The following FBXW7 variants were observed in gnomAD, a reference collection of about 807,000 sequenced individuals.
FBXW7 encodes the protein F-box and WD repeat domain containing 7.
In FBXW7, 11 loss-of-function variants were observed where a neutral mutation model predicts 86.3. The ratio of observed to expected loss-of-function variants is 0.13; its 90% CI spans 0.08 to 0.21. The LOEUF (loss-of-function observed/expected upper bound fraction) is 0.21, where lower values mean the gene tolerates loss of function less well. Among genes scored for constraint, FBXW7 ranks in the 10% least tolerant of loss-of-function variants. The probability of loss-of-function intolerance (pLI) is 1.00; values close to 1 mark genes in which losing one functional copy is unlikely to be tolerated. For missense variants in FBXW7, 488 were observed against 847.4 expected (o/e 0.58, Z 5.27); for synonymous variants, 313 against 297.9 (o/e 1.05, Z -0.52).
At chr4:152,461,359 G>A (rs1742926037) in intron 2 of FBXW7, among the ~76,000 whole-genome samples, 2 of 151,992 alleles carry the variant, frequency 1.3e-5, no homozygotes, top group African/African-American at 4.8e-5. Context: ...TCTCTGTTTT[G>A]ATCTCCTATC....
intron 6 of FBXW7, among the ~76,000 whole-genome samples, chr4:152,346,523 T>G (rs573006336): frequency 1.8e-4 from 28 of 152,322 alleles, no homozygotes; most frequent in Middle Eastern, 3.4e-3. Context: ...ATTTTTAAAT[T>G]GAAATAAACA....
intron 2 of FBXW7, among the ~76,000 whole-genome samples, chr4:152,506,545 A>G (rs1314086449): frequency 6.6e-6 from 1 of 152,252 alleles, no homozygotes; most frequent in Non-Finnish European, 1.5e-5. Context: ...GATATCACTA[A>G]GCAATAGGAA....
chr4:152,347,207 A>C, intron 5 of FBXW7, 136 bp from the exon 6 acceptor site: 2 of 759,284 alleles, frequency 2.6e-6, no homozygotes, highest in South Asian at 4.3e-5. Flanking sequence ...TCAATTAATT[A>C]CCTTTCTTCC....
Position 152,332,610 on chromosome 4 carries a change from T to C in FBXW7, c.971A>G (p.Lys324Arg). Reference sequence around the variant, plus strand: ...TTGAACCTTACCCTCTTCTTTGCATTTCTCTCTCCAGAGAAGGTTGTCTTC... The same window carrying C: ...TTGAACCTTACCCTCTTCTTTGCATCTCTCTCTCCAGAGAAGGTTGTCTTC... Reference protein sequence around the residue: ...LAEDNLLWREKCKEEGIDEPL... With the variant: ...LAEDNLLWRERCKEEGIDEPL... Residue 324 changes from lysine (K) to arginine (R), a missense_variant, in exon 8 of 14, where the codon AAA becomes AGA. Around this residue, in one of 4 missense-constraint regions of FBXW7, gnomAD observed 57 missense variants for 62.8 expected, o/e 0.91. Transcript: ENST00000281708. 2 of 1,603,580 alleles carry C rather than the reference T, an allele frequency of 1.2e-6. No homozygotes were observed. Among genetic ancestry groups the C allele is most frequent in the South Asian group, 1.1e-5 (1 of 90,510 alleles).
chr4:152,456,289 G>A (rs1296980327), intron 2 of FBXW7, among the ~76,000 whole-genome samples: 1 of 149,566 alleles, frequency 6.7e-6, no homozygotes, highest in African/African-American at 2.5e-5. Flanking sequence ...TGAAGTGGAA[G>A]GATGGCTTGA....
intron 2 of FBXW7, among the ~76,000 whole-genome samples, chr4:152,486,287 C>T (rs1208898640): frequency 6.6e-6 from 1 of 152,136 alleles, no homozygotes; most frequent in Non-Finnish European, 1.5e-5. Flanking sequence ...AACCACACTA[C>T]ATCTATTTTT....
intron 2 of FBXW7, among the ~76,000 whole-genome samples, chr4:152,459,740 G>C (rs1742769511): frequency 6.6e-6 from 1 of 152,010 alleles, no homozygotes; most frequent in Non-Finnish European, 1.5e-5. Flanking sequence ...TGTAAATTGG[G>C]CAAAGTAAAA....
intron 2 of FBXW7, among the ~76,000 whole-genome samples, chr4:152,417,085 C>A (rs1410976139): frequency 6.6e-6 from 1 of 152,152 alleles, no homozygotes; most frequent in Non-Finnish European, 1.5e-5. Context: ...TAGCTCCTCC[C>A]TCCTTTGTTG....
intron 2 of FBXW7, among the ~76,000 whole-genome samples, chr4:152,533,173 G>A (rs1041223826): frequency 1.3e-5 from 2 of 150,158 alleles, no homozygotes; most frequent in African/African-American, 4.9e-5. Flanking sequence ...CTGGGTGACA[G>A]AGCAAGACTC....
chr4:152,471,007 A>T (rs1345156789), intron 2 of FBXW7, among the ~76,000 whole-genome samples: 1 of 152,170 alleles, frequency 6.6e-6, no homozygotes, highest in Non-Finnish European at 1.5e-5. Flanking sequence ...GAATCTGCAG[A>T]GTAAAAATCA....
At chr4:152,473,675 G>C (rs1006948420) in intron 2 of FBXW7, among the ~76,000 whole-genome samples, 1 of 151,836 alleles carries the variant, frequency 6.6e-6, no homozygotes, top group Admixed American at 6.6e-5. Context: ...ATAGAAACTG[G>C]GTCTTGTTAT....
intron 2 of FBXW7, among the ~76,000 whole-genome samples, chr4:152,463,245 C>T (rs1462297191): frequency 1.3e-5 from 2 of 151,848 alleles, no homozygotes; most frequent in Non-Finnish European, 2.9e-5. Flanking sequence ...CGACACATCA[C>T]ACCACTGCAC....
intron 4 of FBXW7, among the ~76,000 whole-genome samples, chr4:152,386,714 C>T (rs1735554751): frequency 6.6e-6 from 1 of 152,080 alleles, no homozygotes; most frequent in Admixed American, 6.5e-5. Flanking sequence ...CACTGATCAT[C>T]CAAGATGGGC....
At chr4:152,377,747 T>C (rs1241481725) in intron 4 of FBXW7, among the ~76,000 whole-genome samples, 34 of 137,362 alleles carry the variant, frequency 2.5e-4, no homozygotes, top group African/African-American at 9.1e-4. Flanking sequence ...AGAGGAAGAG[T>C]CTGTCTCAAA....
At chr4:152,395,383 A>T (rs1736332895) in intron 4 of FBXW7, among the ~76,000 whole-genome samples, 2 of 151,870 alleles carry the variant, frequency 1.3e-5, no homozygotes, top group African/African-American at 4.8e-5. Flanking sequence ...ACTCATCATA[A>T]CTCAATCCTT....
In FBXW7 at chr4:152,328,312, A is replaced by T. The variant is rs910538377; in HGVS notation, c.1314T>A (p.Ser438=). 7 of 1,597,794 alleles carry T rather than the reference A, an allele frequency of 4.4e-6. No homozygotes were observed. The highest frequency in any genetic ancestry group is 5.1e-6 in the Non-Finnish European group (6 of 1,173,234). The change falls in exon 11 of 14, where the codon TCT becomes TCA. Residue 438 remains serine, a synonymous_variant. Coordinates refer to ENST00000281708, the MANE Select transcript of FBXW7 (RefSeq NM_001349798.2). ...TCCACACTTTGAGTGTCCGATCTGT[A>T]GATCCACTAATGATGATGTTGTCTC... ...QMRDNIIISG[S]TDRTLKVWNA... is the part of the protein sequence containing the mutation.
chr4:152,326,925 A>AG (rs1486959023), intron 11 of FBXW7, among the ~76,000 whole-genome samples: 1 of 152,134 alleles, frequency 6.6e-6, no homozygotes, highest in Non-Finnish European at 1.5e-5. Context: ...ATTAAGAGAT[A>AG]AAGATTTTAA....
chr4:152,417,156 T>C (rs766566132), intron 2 of FBXW7, among the ~76,000 whole-genome samples: 5 of 152,076 alleles, frequency 3.3e-5, no homozygotes, highest in Admixed American at 6.6e-5. Flanking sequence ...CATACTATTA[T>C]CTCCAGTCAG....
At chr4:152,368,775 G>T (rs189978809) in intron 4 of FBXW7, among the ~76,000 whole-genome samples, 51 of 151,930 alleles carry the variant, frequency 3.4e-4, no homozygotes, top group Admixed American at 3.3e-4. Flanking sequence ...CTTATATAGC[G>T]ATTTTAAAAA....
Sources: allele counts gnomAD v4.1 joint callset (sites outside exome capture counted in the v4.1 genomes callset), GRCh38; gene constraint gnomAD v4.1.1; regional missense constraint gnomAD v4.1.1; transcripts MANE v1.5; gene names NCBI Gene and HGNC (gene_info 2026-07-23, HGNC 2026-07-21).